MYO18B: variants seen among roughly 807,000 people sequenced by gnomAD.
The protein encoded by MYO18B is myosin XVIIIB, also known as unconventional myosin-XVIIIb.
In MYO18B, 204 loss-of-function variants were observed where a neutral mutation model predicts 273.0. The ratio of observed to expected loss-of-function variants is 0.75; its 90% CI spans 0.67 to 0.84. MYO18B has a LOEUF of 0.84. Among genes scored for constraint, MYO18B ranks in the 40% least tolerant of loss-of-function variants. The pLI is 0.00. For synonymous variants in MYO18B, 1,330 were observed against 1,305.7 expected, an observed-to-expected ratio of 1.02 and a Z score of -0.40; for missense variants, 3,212 against 3,287.6, an observed-to-expected ratio of 0.98 and a Z score of 0.56.
At chr22:25,930,714 T>G (rs1262685171) in intron 34 of MYO18B, among the ~76,000 whole-genome samples, 1 of 152,038 alleles carries the variant, frequency 6.6e-6, no homozygotes, top group Non-Finnish European at 1.5e-5. Context: ...GCTCAAGTGA[T>G]CCACCCGCCT....
chr22:25,981,421 G>A (rs879898265), intron 39 of MYO18B, among the ~76,000 whole-genome samples: 17 of 152,162 alleles, frequency 1.1e-4, no homozygotes, highest in Non-Finnish European at 1.9e-4. Flanking sequence ...CTCCCATACT[G>A]CATCAGAGTT....
intron 21 of MYO18B, among the ~76,000 whole-genome samples, chr22:25,852,426 C>T (rs2090452447): frequency 7.4e-6 from 1 of 135,418 alleles, no homozygotes; most frequent in South Asian, 2.4e-4. Flanking sequence ...AATGAATACC[C>T]AGACCTAACT....
chr22:25,873,793 C>T lies in MYO18B; in HGVS notation c.3952-493C>T, dbSNP rs577217029. On this transcript the variant is annotated intron_variant, in intron 22 of 43. Transcript: ENST00000335473. ...CACTCAGATTGCTGTGGGTGCTTAC[C>T]CAAAATATTCACATTCCCAGGCCTG... is the stretch of plus-strand genomic sequence containing the variant. Among the ~76,000 whole-genome samples the T allele has an allele frequency of 3.2e-4, 49 of 152,176 alleles. 1 individual carries two copies. The highest frequency in any genetic ancestry group is 6.2e-4 in the Non-Finnish European group (42 of 68,028).
chr22:25,855,082 C>T (rs1338421378), intron 21 of MYO18B, among the ~76,000 whole-genome samples: 1 of 152,010 alleles, frequency 6.6e-6, no homozygotes, highest in Admixed American at 6.6e-5. Context: ...GTTATTTTTC[C>T]TGATTCTCTC....
chr22:25,968,147 G>A (rs530273992), intron 39 of MYO18B, among the ~76,000 whole-genome samples: 1 of 152,062 alleles, frequency 6.6e-6, no homozygotes, highest in Non-Finnish European at 1.5e-5. Context: ...TCCACCCAGC[G>A]GCTCAAACAA....
In MYO18B at chr22:25,910,945, G is replaced by A; in HGVS notation, c.5260-1G>A. On this transcript the variant is annotated splice_acceptor_variant, in intron 32 of 43. Coordinates refer to ENST00000335473, the MANE Select transcript of MYO18B (RefSeq NM_032608.7). LOFTEE classifies it high-confidence loss of function. ...GATGTTTCTTCCCTGTGTATCCACA[G>A]CTTCATCAGCTGGAAATGCAGCTGG... 6.3e-7 allele frequency: 1 copy of A among 1,584,362 alleles called. No individual in the cohort carries two copies. Among genetic ancestry groups the A allele is most frequent in the Non-Finnish European group, 8.6e-7 (1 of 1,164,704 alleles).
intron 34 of MYO18B, among the ~76,000 whole-genome samples, chr22:25,924,767 G>C (rs1324995174): frequency 6.6e-6 from 1 of 152,110 alleles, no homozygotes; most frequent in African/African-American, 2.4e-5. Context: ...GATTGTGGAG[G>C]GTATGAGGGA....
rs773942724 is a variant in MYO18B, at chr22:25,846,094, C to T, written c.3369-6C>T. 2 of 1,532,552 alleles carry T rather than the reference C, an allele frequency of 1.3e-6. No individual in the cohort carries two copies. The allele number at this position is 1,532,552 out of a possible 1,614,324, so 94.9% of individuals were successfully genotyped here. Reference sequence around the variant, plus strand: ...GCTCCTCTCTCTTTTCCCTCCTCCCCACCAGAGAGGAGCTGCGGAGTCTAT... The same window carrying T: ...GCTCCTCTCTCTTTTCCCTCCTCCCTACCAGAGAGGAGCTGCGGAGTCTAT... On this transcript the variant is annotated splice_polypyrimidine_tract_variant and splice_region_variant and intron_variant, in intron 18 of 43. Transcript: ENST00000335473.
intron 8 of MYO18B, among the ~76,000 whole-genome samples, chr22:25,778,854 A>G (rs888523618): frequency 6.6e-6 from 1 of 150,534 alleles, no homozygotes; most frequent in Non-Finnish European, 1.5e-5. Context: ...TTTATATTTT[A>G]TAGATTGAAG....
At position 25,760,994 on chromosome 22, in the gene MYO18B, A is replaced by C; in HGVS notation, c.-99A>C. ...GTCCCTGTGTGTCAGTTCTGTGTCC[A>C]TCTCATGTGCTGCGTGTGTCTGTAA... is the stretch of plus-strand genomic sequence containing the variant. On this transcript the variant is annotated 5_prime_UTR_variant, in exon 2 of 44. Transcript: ENST00000335473. 7.7e-7 allele frequency: 1 copy of C among 1,305,102 alleles called. No individual in the cohort carries two copies. The highest frequency in any genetic ancestry group is 1.1e-6 in the Non-Finnish European group (1 of 906,326). The allele number at this position is 1,305,102 out of a possible 1,614,324, so 80.8% of individuals were successfully genotyped here.
At chr22:25,856,830 G>A (rs1451788274) in intron 21 of MYO18B, among the ~76,000 whole-genome samples, 2 of 152,198 alleles carry the variant, frequency 1.3e-5, no homozygotes, top group South Asian at 2.1e-4. Flanking sequence ...TTTATCAGGT[G>A]TTCAGTGATG....
intron 34 of MYO18B, 127 bp downstream of exon 34, chr22:25,921,536 G>A (rs895141554): frequency 3.3e-6 from 4 of 1,195,166 alleles, no homozygotes; most frequent in African/African-American, 3.0e-5. Context: ...GATGTGCAGG[G>A]AGATGGGGGG....
chr22:26,032,257 TG>T (rs1450359195), downstream of MYO18B, among the ~76,000 whole-genome samples: 2 of 152,210 alleles, frequency 1.3e-5, no homozygotes, highest in African/African-American at 4.8e-5. Flanking sequence ...TTCCACCGCC[TG>T]GGTGGCCTAA....
intron 33 of MYO18B, among the ~76,000 whole-genome samples, chr22:25,919,678 A>ATGTGTGTGTGTG (rs35856330): frequency 4.7e-5 from 7 of 147,986 alleles, no homozygotes; most frequent in African/African-American, 1.7e-4. Flanking sequence ...GTGTGTGTGT[A>ATGTGTGTGTGTG]TGTGTGTGTG....
chr22:25,812,112 G>A (rs772771991), intron 12 of MYO18B, among the ~76,000 whole-genome samples: 1 of 152,210 alleles, frequency 6.6e-6, no homozygotes, highest in Non-Finnish European at 1.5e-5. Context: ...CATGCACTGT[G>A]TCATTGGGGG....
chr22:25,880,870 A>G (rs946124614), intron 25 of MYO18B, among the ~76,000 whole-genome samples: 1 of 152,260 alleles, frequency 6.6e-6, no homozygotes, highest in Non-Finnish European at 1.5e-5. Flanking sequence ...TCTAGATCTG[A>G]ATGATTTGCT....
In MYO18B at chr22:25,924,217, A is replaced by G. The variant is rs143781250; in HGVS notation, c.5517+2808A>G. Among the ~76,000 whole-genome samples, 31 of 152,280 alleles carry G rather than the reference A, an allele frequency of 2.0e-4. 1 individual carries two copies. Among genetic ancestry groups the G allele is most frequent in the Admixed American group, 7.8e-4 (12 of 15,300 alleles). On this transcript the variant is annotated intron_variant, in intron 34 of 43. Coordinates refer to ENST00000335473, the MANE Select transcript of MYO18B (RefSeq NM_032608.7). ...TTGGGCATTGCTGCATCTCCTCTCC[A>G]ATGTACAGTATTTGTCCTTTGCCTG...
intron 21 of MYO18B, among the ~76,000 whole-genome samples, chr22:25,861,147 G>C (rs2090722671): frequency 6.6e-6 from 1 of 152,122 alleles, no homozygotes; most frequent in Non-Finnish European, 1.5e-5. Context: ...GTGTCCCAAA[G>C]TCCTGGGATA....
rs1177903996 is a variant in MYO18B at position 25,898,199 on chromosome 22, T to C, written c.4669-108T>C. On this transcript the variant is annotated intron_variant, in intron 28 of 43. Coordinates refer to ENST00000335473, the MANE Select transcript of MYO18B (RefSeq NM_032608.7). ...GACAGGGTCTCCCCATTCCAGCATC[T>C]GCTGTTTTCTCATTACACACCTTGG... 4.7e-6 allele frequency: 6 copies of C among 1,273,996 alleles called. No homozygotes were observed. The African/African-American group carries it at 6.0e-5, about 13-fold the overall frequency. 78.9% of individuals were successfully genotyped at this position (1,273,996 alleles called of 1,614,324 possible).
Sources: allele counts gnomAD v4.1 joint callset (sites outside exome capture counted in the v4.1 genomes callset), GRCh38; gene constraint gnomAD v4.1.1; transcripts MANE v1.5; gene names NCBI Gene and HGNC (gene_info 2026-07-23, HGNC 2026-07-21).